CHMP1A: variants seen among roughly 807,000 people sequenced by gnomAD.
The protein encoded by CHMP1A is charged multivesicular body protein 1A.
CHMP1A carries 17 observed loss-of-function variants against 27.0 expected under a neutral mutation model. The ratio of observed to expected loss-of-function variants is 0.63; its 90% CI spans 0.43 to 0.95. The LOEUF is 0.95. Ranked by LOEUF, CHMP1A falls within the 40% of genes least tolerant of loss-of-function variation. The pLI is 0.00. For missense variants in CHMP1A, 275 were observed against 264.0 expected (o/e 1.04, Z -0.29); for synonymous variants, 131 against 107.5 (o/e 1.22, Z -1.35).
intron 6 of CHMP1A, 92 bp downstream of exon 6, chr16:89,646,435 T>A: frequency 7.5e-7 from 1 of 1,341,058 alleles, no homozygotes; most frequent in Admixed American, 2.3e-5. Flanking sequence ...CAGCCCAAGC[T>A]CTCCTCCAGC....
intron 5 of CHMP1A, 144 bp from the exon 6 acceptor site, chr16:89,646,858 C>T (rs2059777897): frequency 2.8e-6 from 3 of 1,088,486 alleles, no homozygotes; most frequent in Non-Finnish European, 4.0e-6. Flanking sequence ...CTCTCTCTGT[C>T]TCACCTTCCA....
chr16:89,648,653 G>T (rs2059799591), intron 4 of CHMP1A, among the ~76,000 whole-genome samples: 1 of 152,186 alleles, frequency 6.6e-6, no homozygotes, highest in East Asian at 1.9e-4. Flanking sequence ...CACTTTGGGA[G>T]GCCGAGGTGG....
In CHMP1A at chr16:89,648,881, C is replaced by T. The variant is rs111252034; in HGVS notation, c.252+470G>A. 1.8e-4 allele frequency among the ~76,000 whole-genome samples: 26 copies of T among 143,304 alleles called. 2 individuals carry two copies. The highest frequency in any genetic ancestry group is 4.9e-4 in the Admixed American group (7 of 14,292). The allele number at this position is 143,304 out of a possible 152,430, so 94.0% of individuals were successfully genotyped here. A position where few individuals can be genotyped will look rare whatever the true frequency, so the allele number is the denominator to read the frequency against. ...TCTACTTAAAAATGAAAAGATCAGCCGGGCATGGTGGTGGATGCCTGTGGT... is the reference window on the plus strand; with the variant it reads ...TCTACTTAAAAATGAAAAGATCAGCTGGGCATGGTGGTGGATGCCTGTGGT... On this transcript the variant is annotated intron_variant, in intron 4 of 6. Transcript: ENST00000397901.
intron 4 of CHMP1A, among the ~76,000 whole-genome samples, chr16:89,648,734 GA>G (rs11478693): frequency 0.065 from 6,142 of 93,776 alleles, 10 homozygotes; most frequent in East Asian, 0.14. Context: ...ACATAAAAAT[GA>G]AAAAAATCAG....
At position 89,649,514 on chromosome 16, in the gene CHMP1A, A is replaced by G. The variant is rs920124818; in HGVS notation, c.106-17T>C. ...CAGAAGGGCCTGAAACCCGCGGGGG[A>G]AAGCAGCTGGAAGAGCTTGGTGGTG... On this transcript the variant is annotated splice_polypyrimidine_tract_variant and intron_variant, in intron 3 of 6. Coordinates refer to ENST00000397901, the MANE Select transcript of CHMP1A (RefSeq NM_002768.5). 6.2e-7 allele frequency: 1 copy of G among 1,613,066 alleles called. No homozygotes were observed. Among genetic ancestry groups the G allele is most frequent in the African/African-American group, 1.3e-5 (1 of 74,904 alleles).
chr16:89,654,719 G>A (rs1185820334), intron 1 of CHMP1A, among the ~76,000 whole-genome samples: 1 of 152,092 alleles, frequency 6.6e-6, no homozygotes, highest in Non-Finnish European at 1.5e-5. Context: ...GAGGCCGGCG[G>A]AACATGAGGT....
chr16:89,653,548 G>A lies in CHMP1A; in HGVS notation c.27+356C>T, dbSNP rs2056311. Among the ~76,000 whole-genome samples the A allele has an allele frequency of 0.024, 3,491 of 148,176 alleles. 646 individuals are homozygous for A. The East Asian group carries it at 0.51, about 21-fold the overall frequency. On this transcript the variant is annotated intron_variant, in intron 2 of 6. Transcript: ENST00000397901. ...TAAGGCAGGAGAATCGCTTGAACCC[G>A]GGAGGCAGAGGTTGCAGTGAGCCGA...
At chr16:89,652,779 C>T (rs1446857033) in intron 2 of CHMP1A, among the ~76,000 whole-genome samples, 1 of 152,176 alleles carries the variant, frequency 6.6e-6, no homozygotes, top group African/African-American at 2.4e-5. Context: ...TCCGGCACAT[C>T]ACTCCTGCCC....
In CHMP1A at chr16:89,645,852, T is replaced by C. The variant is rs78321617; in HGVS notation, c.*214A>G. 0.015 allele frequency: 23,062 copies of C among 1,495,324 alleles called. 209 individuals are homozygous for C. The highest frequency in any genetic ancestry group is 0.018 in the Non-Finnish European group (19,778 of 1,112,406). The allele number at this position is 1,495,324 out of a possible 1,614,324, so 92.6% of individuals were successfully genotyped here. ...GAGTCACAGAAATCACCCCCAGAAA[T>C]TTGCAGAAACTCAACACCAGGACAC... is the stretch of plus-strand genomic sequence containing the variant. On this transcript the variant is annotated 3_prime_UTR_variant, in exon 7 of 7. Coordinates refer to ENST00000397901, the MANE Select transcript of CHMP1A (RefSeq NM_002768.5).
rs1235308845 is a variant in CHMP1A, at chr16:89,645,714, G to A, written c.*352C>T. 2 of 438,812 alleles carry A rather than the reference G, an allele frequency of 4.6e-6. No individual in the cohort carries two copies. The highest frequency in any genetic ancestry group is 4.1e-5 in the African/African-American group (2 of 48,932). 27.2% of individuals were successfully genotyped at this position (438,812 alleles called of 1,614,324 possible). A position where few individuals can be genotyped will look rare whatever the true frequency, so the allele number is the denominator to read the frequency against. ...AGTTGTTTGGCAACAGGGCAGCCCTGACCCCCTCTGGCTGATGGGAAGCAG... is the reference window on the plus strand; with the variant it reads ...AGTTGTTTGGCAACAGGGCAGCCCTAACCCCCTCTGGCTGATGGGAAGCAG... On this transcript the variant is annotated 3_prime_UTR_variant, in exon 7 of 7. Coordinates refer to ENST00000397901, the MANE Select transcript of CHMP1A (RefSeq NM_002768.5).
At chr16:89,657,497 G>A (rs2059894337) in intron 1 of CHMP1A, 85 bp downstream of exon 1, 2 of 1,553,200 alleles carry the variant, frequency 1.3e-6, no homozygotes, top group Admixed American at 1.8e-5. Flanking sequence ...CCTGCCCGCG[G>A]CCCCAGGTGG....
intron 1 of CHMP1A, 92 bp from the exon 2 acceptor site, chr16:89,654,015 C>T: frequency 7.4e-7 from 1 of 1,347,688 alleles, no homozygotes; most frequent in Admixed American, 1.7e-5. Flanking sequence ...TTCTAGACAC[C>T]AGGAGCTAGA....
At chr16:89,655,814 C>T (rs559008789) in intron 1 of CHMP1A, among the ~76,000 whole-genome samples, 16 of 152,200 alleles carry the variant, frequency 1.1e-4, no homozygotes, top group Middle Eastern at 3.4e-3. Context: ...TTAGAAGAGA[C>T]GGGGTTTCAC....
chr16:89,651,596 G>A lies in CHMP1A; in HGVS notation c.78C>T (p.Ser26=). 2.5e-6 allele frequency: 4 copies of A among 1,613,740 alleles called. No individual in the cohort carries two copies. The highest frequency in any genetic ancestry group is 3.3e-4 in the Middle Eastern group (2 of 6,058). The change falls in exon 3 of 7, where the codon TCC becomes TCT. Residue 26 remains serine (S), a synonymous_variant. Coordinates refer to ENST00000397901, the MANE Select transcript of CHMP1A (RefSeq NM_002768.5). ...TCTTCACTTTGGCCTGCTCCGCCTT[G>A]GAGTCCTTCTCCGCCTTCTTGGCCA... ...EKLAKKAEKD[S]KAEQAKVKKA...
chr16:89,653,386 C>T (rs377390021), intron 2 of CHMP1A, among the ~76,000 whole-genome samples: 2 of 149,460 alleles, frequency 1.3e-5, no homozygotes, highest in East Asian at 4.1e-4. Flanking sequence ...TTTAGGAGGC[C>T]GAGGTAGGCG....
intron 4 of CHMP1A, 88 bp downstream of exon 4, chr16:89,649,261 ACT>A: frequency 6.6e-7 from 1 of 1,520,718 alleles, no homozygotes; most frequent in Non-Finnish European, 8.9e-7. Context: ...CCTTCCGTCA[ACT>A]CTGAGCTGCC....
chr16:89,650,974 C>T (rs1300472619), intron 3 of CHMP1A, among the ~76,000 whole-genome samples: 1 of 152,204 alleles, frequency 6.6e-6, no homozygotes, highest in Non-Finnish European at 1.5e-5. Flanking sequence ...CTGGCAGGGG[C>T]TGTAGGGCAG....
intron 1 of CHMP1A, among the ~76,000 whole-genome samples, chr16:89,655,571 C>A (rs2059858501): frequency 6.6e-6 from 1 of 152,162 alleles, no homozygotes; most frequent in African/African-American, 2.4e-5. Context: ...CTGACATGGG[C>A]TTGAGAGAAG....
chr16:89,654,079 G>A (rs997764468), intron 1 of CHMP1A, among the ~76,000 whole-genome samples, 156 bp from the exon 2 acceptor site: 1 of 152,204 alleles, frequency 6.6e-6, no homozygotes, highest in East Asian at 1.9e-4. Context: ...CCCCCAACAG[G>A]GGAGGCACGA....
Sources: allele counts gnomAD v4.1 joint callset (sites outside exome capture counted in the v4.1 genomes callset), GRCh38; gene constraint gnomAD v4.1.1; transcripts MANE v1.5; gene names NCBI Gene and HGNC (gene_info 2026-07-23, HGNC 2026-07-21).